GATA3: variants seen among roughly 807,000 people sequenced by gnomAD.
GATA3 encodes trans-acting T-cell-specific transcription factor GATA-3.
Under a neutral mutation model 36.0 loss-of-function variants are expected in GATA3, and 6 were observed. The observed-to-expected ratio is 0.17, with a 90% CI of 0.09 to 0.33. The LOEUF is 0.33. Ranked by LOEUF, GATA3 falls within the 10% of genes least tolerant of loss-of-function variation. The probability of loss-of-function intolerance (pLI) is 1.00; values close to 1 mark genes in which losing one functional copy is unlikely to be tolerated. For missense variants in GATA3, 514 were observed against 610.1 expected, an observed-to-expected ratio of 0.84 and a Z score of 1.66; for synonymous variants, 326 against 273.0, an observed-to-expected ratio of 1.19 and a Z score of -1.92.
chr10:8,066,626 A>T (rs1832848272), intron 4 of GATA3, among the ~76,000 whole-genome samples: 1 of 152,142 alleles, frequency 6.6e-6, no homozygotes, highest in Non-Finnish European at 1.5e-5. Flanking sequence ...CTTCTGTGAG[A>T]TGTGTATTTA....
At chr10:8,050,948 C>A, upstream of GATA3, 1 of 475,032 alleles carries the variant, frequency 2.1e-6, no homozygotes, top group East Asian at 6.7e-5. Flanking sequence ...CTCCCGGCAC[C>A]TCGGCCCCGC....
intron 2 of GATA3, among the ~76,000 whole-genome samples, chr10:8,056,210 G>A (rs565755363): frequency 6.4e-4 from 98 of 152,144 alleles, no homozygotes; most frequent in Admixed American, 1.9e-3. Flanking sequence ...GGGGGGTCTC[G>A]GGATGTCCCC....
chr10:8,060,311 G>A (rs1414340379), intron 3 of GATA3, among the ~76,000 whole-genome samples: 6 of 152,204 alleles, frequency 3.9e-5, no homozygotes. Flanking sequence ...GTAGGCAGGA[G>A]GGAGAGGGAG....
chr10:8,063,356 G>C (rs904147937), intron 3 of GATA3, among the ~76,000 whole-genome samples: 1 of 152,144 alleles, frequency 6.6e-6, no homozygotes, highest in East Asian at 1.9e-4. Context: ...ACCCCTGCTG[G>C]GTCCTAATCG....
At chr10:8,058,249 C>T (rs1832676487) in intron 2 of GATA3, 56 bp from the exon 3 acceptor site, 4 of 1,588,402 alleles carry the variant, frequency 2.5e-6, no homozygotes, top group Non-Finnish European at 8.6e-7. Flanking sequence ...CTGACGGCCT[C>T]CCAGGGCCAC....
upstream of GATA3, among the ~76,000 whole-genome samples, chr10:8,053,936 G>T (rs1832565881): frequency 6.6e-6 from 1 of 152,162 alleles, no homozygotes; most frequent in African/African-American, 2.4e-5. This position sits in a 1 kb window ranked among gnomAD's most constrained non-coding sequence, Gnocchi z 5.1. Context: ...TGCCACTCAA[G>T]TCAAAAGCAC....
At chr10:8,062,974 G>A (rs1192272137) in intron 3 of GATA3, among the ~76,000 whole-genome samples, 1 of 152,134 alleles carries the variant, frequency 6.6e-6, no homozygotes, top group East Asian at 1.9e-4. Flanking sequence ...GTAATTTAAG[G>A]GATTCTTCCA....
At chr10:8,056,026 C>A in intron 2 of GATA3, 130 bp downstream of exon 2, 1 of 1,307,898 alleles carries the variant, frequency 7.6e-7, no homozygotes, top group Non-Finnish European at 1.1e-6. Flanking sequence ...GGTTCATTTA[C>A]AAAAAAATTG....
At chr10:8,066,518 C>T (rs1832846281) in intron 4 of GATA3, among the ~76,000 whole-genome samples, 1 of 151,138 alleles carries the variant, frequency 6.6e-6, no homozygotes, top group Non-Finnish European at 1.5e-5. Context: ...TTCTTCTTTC[C>T]TGTATTCCCT....
In GATA3 at chr10:8,058,534, G is replaced by A. The variant is rs748832905; in HGVS notation, c.471G>A (p.Pro157=). The change falls in exon 3 of 6, where the codon CCG becomes CCA. Residue 157 remains proline (P), a synonymous_variant. Coordinates refer to ENST00000379328, the MANE Select transcript of GATA3 (RefSeq NM_001002295.2). ...ACCTCTTCACCTTCCCGCCCACCCC[G>A]CCGAAGGACGTCTCCCCGGACCCAT... is the stretch of plus-strand genomic sequence containing the variant. ...SPHLFTFPPT[P]PKDVSPDPSL... 12 of 1,515,484 alleles carry A rather than the reference G, an allele frequency of 7.9e-6. No homozygotes were observed. The South Asian group carries it at 1.1e-4, about 14-fold the overall frequency. The allele number at this position is 1,515,484 out of a possible 1,614,324, so 93.9% of individuals were successfully genotyped here. A position where few individuals can be genotyped will look rare whatever the true frequency, so the allele number is the denominator to read the frequency against.
Position 8,075,072 on chromosome 10 carries a change from ACG to A in GATA3, c.*1050_*1051del. 4.3e-6 allele frequency: 1 copy of A among 233,254 alleles called. No homozygotes were observed. The highest frequency in any genetic ancestry group is 1.8e-4 in the South Asian group (1 of 5,534). The allele number at this position is 233,254 out of a possible 1,614,324, so 14.4% of individuals were successfully genotyped here. Reference sequence around the variant, plus strand: ...GTCAGCGACCCTGGCCCGACAGGCCACGTCCTGCAATCGGCCCGGCTGCCTCT... The same window carrying A: ...GTCAGCGACCCTGGCCCGACAGGCCATCCTGCAATCGGCCCGGCTGCCTCT... On this transcript the variant is annotated 3_prime_UTR_variant, in exon 6 of 6. Transcript: ENST00000379328.
intron 5 of GATA3, among the ~76,000 whole-genome samples, chr10:8,073,362 G>A (rs751187467): frequency 6.6e-6 from 1 of 152,074 alleles, no homozygotes; most frequent in Non-Finnish European, 1.5e-5. Context: ...GGCCTGGGGA[G>A]TACTTTTCAA....
chr10:8,066,630 G>A (rs1455491040), intron 4 of GATA3, among the ~76,000 whole-genome samples: 3 of 152,170 alleles, frequency 2.0e-5, no homozygotes, highest in South Asian at 4.1e-4. Flanking sequence ...TGTGAGATGT[G>A]TATTTAACCC....
chr10:8,067,475 C>T (rs10905280), intron 4 of GATA3, among the ~76,000 whole-genome samples: 28,370 of 152,066 alleles, frequency 0.19, 2,711 homozygotes, highest in East Asian at 0.25. Context: ...CTGGCAGCTT[C>T]GGGTGTTGGC....
intron 4 of GATA3, among the ~76,000 whole-genome samples, chr10:8,069,072 C>G (rs1244614241): frequency 6.6e-6 from 1 of 152,172 alleles, no homozygotes; most frequent in East Asian, 1.9e-4. Flanking sequence ...TGGCCCTGGA[C>G]TTGGTGAAAA....
chr10:8,057,418 A>G (rs1267684794), intron 2 of GATA3, among the ~76,000 whole-genome samples: 1 of 152,200 alleles, frequency 6.6e-6, no homozygotes, highest in South Asian at 2.1e-4. Context: ...GTCATCTTTC[A>G]TTTAAAATAT....
chr10:8,055,636 G>A lies in GATA3; in HGVS notation c.-20G>A, dbSNP rs1352022281. ...CGCGGGTTCCGGGCCCGGCGAGAGG[G>A]CGCGAGCACAGCCGAGGCCATGGAG... On this transcript the variant is annotated 5_prime_UTR_variant, in exon 2 of 6. Coordinates refer to ENST00000379328, the MANE Select transcript of GATA3 (RefSeq NM_001002295.2). The surrounding 1 kb of genome is among the most constrained non-coding windows in gnomAD (Gnocchi z 5.4). 6.5e-7 allele frequency: 1 copy of A among 1,548,516 alleles called. No homozygotes were observed. The highest frequency in any genetic ancestry group is 8.7e-7 in the Non-Finnish European group (1 of 1,148,172).
chr10:8,047,190 C>T (rs1588364858), intron 1 of GATA3, among the ~76,000 whole-genome samples: 2 of 152,158 alleles, frequency 1.3e-5, no homozygotes, highest in Admixed American at 1.3e-4. Flanking sequence ...TGTCCAGTTG[C>T]CCTGGGTCAC....
At chr10:8,046,192 C>A (rs1310249008) in intron 1 of GATA3, among the ~76,000 whole-genome samples, 2 of 152,192 alleles carry the variant, frequency 1.3e-5, no homozygotes, top group African/African-American at 4.8e-5. Context: ...GGACAGCAGA[C>A]CAACAGACCT....
Sources: allele counts gnomAD v4.1 joint callset (sites outside exome capture counted in the v4.1 genomes callset), GRCh38; gene constraint gnomAD v4.1.1; non-coding constraint Gnocchi (gnomAD v3.1); transcripts MANE v1.5; gene names NCBI Gene and HGNC (gene_info 2026-07-23, HGNC 2026-07-21).